ZNF521: variants seen among roughly 807,000 people sequenced by gnomAD.
ZNF521 encodes the protein LYST-interacting protein 3.
ZNF521 carries 14 observed loss-of-function variants against 105.5 expected under a neutral mutation model. That is an observed-to-expected ratio of 0.13 (90% CI 0.09 to 0.21). The LOEUF is 0.21. ZNF521 is among the 10% of genes least tolerant of loss of function. The pLI, the probability that ZNF521 is intolerant of heterozygous loss-of-function variation, is 1.00. For synonymous variants in ZNF521, 635 were observed against 606.0 expected (o/e 1.05, Z -0.70); for missense variants, 1,233 against 1,629.7 (o/e 0.76, Z 4.19).
At chr18:25,205,211 G>A (rs559258641) in intron 4 of ZNF521, among the ~76,000 whole-genome samples, 5 of 147,706 alleles carry the variant, frequency 3.4e-5, no homozygotes, top group Non-Finnish European at 7.4e-5. Context: ...GCTAGGAAAA[G>A]GAATTTGTCT....
chr18:25,212,286 C>A (rs1361991504), intron 4 of ZNF521, among the ~76,000 whole-genome samples: 1 of 150,976 alleles, frequency 6.6e-6, no homozygotes, highest in African/African-American at 2.4e-5. Flanking sequence ...CCAAGGTGGG[C>A]AGATCACAAG....
chr18:25,092,653 A>C (rs1272292467), intron 5 of ZNF521, among the ~76,000 whole-genome samples: 1 of 151,998 alleles, frequency 6.6e-6, no homozygotes, highest in Non-Finnish European at 1.5e-5. Context: ...TTCCTAGTTC[A>C]TCTCTCCCTT....
intron 7 of ZNF521, among the ~76,000 whole-genome samples, chr18:25,071,200 C>G (rs2144124141): frequency 6.6e-6 from 1 of 152,276 alleles, no homozygotes; most frequent in Admixed American, 6.5e-5. Context: ...GACTGTACTG[C>G]AGTAAATATA....
At chr18:25,214,052 G>C (rs969699606) in intron 4 of ZNF521, among the ~76,000 whole-genome samples, 3 of 151,912 alleles carry the variant, frequency 2.0e-5, no homozygotes, top group Non-Finnish European at 4.4e-5. Flanking sequence ...TCACTCACCA[G>C]GATAACCAAC....
At chr18:25,209,400 G>A (rs548594821) in intron 4 of ZNF521, among the ~76,000 whole-genome samples, 38 of 152,152 alleles carry the variant, frequency 2.5e-4, no homozygotes, top group Middle Eastern at 3.4e-3. Flanking sequence ...CATGAGCCAT[G>A]GCGCCCGGCC....
At chr18:25,304,549 A>G (rs1255565974) in intron 3 of ZNF521, among the ~76,000 whole-genome samples, 1 of 152,188 alleles carries the variant, frequency 6.6e-6, no homozygotes, top group Non-Finnish European at 1.5e-5. Flanking sequence ...TTGTGACAGA[A>G]TTCTACTGCT....
chr18:25,209,408 GC>G (rs901641941), intron 4 of ZNF521, among the ~76,000 whole-genome samples: 19 of 152,168 alleles, frequency 1.2e-4, no homozygotes, highest in Middle Eastern at 3.4e-3. Context: ...ATGGCGCCCG[GC>G]CAAGTTTCTA....
At chr18:25,288,436 TC>T (rs1227133225) in intron 3 of ZNF521, among the ~76,000 whole-genome samples, 1 of 152,106 alleles carries the variant, frequency 6.6e-6, no homozygotes, top group Non-Finnish European at 1.5e-5. Flanking sequence ...CTCAACTCTT[TC>T]CTTTCGGGTT....
At chr18:25,336,087 T>A (rs535169763) in intron 2 of ZNF521, among the ~76,000 whole-genome samples, 342 of 152,240 alleles carry the variant, frequency 2.2e-3, no homozygotes, top group African/African-American at 7.9e-3. Flanking sequence ...AGGTCTCAAA[T>A]AAAATTAAAG....
In ZNF521 at chr18:25,062,430, T is replaced by A; in HGVS notation, c.*282A>T. ...GCCATTTTGGTCATAGTCTTTTTTT[T>A]TTTTTAATCTTGCCTGAATAGGGCC... On this transcript the variant is annotated 3_prime_UTR_variant, in exon 8 of 8. Transcript: ENST00000361524. 1 of 360,938 alleles carries A rather than the reference T, an allele frequency of 2.8e-6. No homozygotes were observed. The allele number at this position is 360,938 out of a possible 1,614,324, so 22.4% of individuals were successfully genotyped here.
At chr18:25,185,708 T>C (rs527306849) in intron 5 of ZNF521, among the ~76,000 whole-genome samples, 1 of 152,274 alleles carries the variant, frequency 6.6e-6, no homozygotes, top group Admixed American at 6.5e-5. Flanking sequence ...CTAAGTCAGA[T>C]TGTTCAAAAG....
At chr18:25,207,226 G>A (rs1363592385) in intron 4 of ZNF521, among the ~76,000 whole-genome samples, 1 of 152,110 alleles carries the variant, frequency 6.6e-6, no homozygotes, top group African/African-American at 2.4e-5. Flanking sequence ...CCAGAGAGAT[G>A]GACTGACCTT....
chr18:25,155,906 C>G (rs1485990529), intron 5 of ZNF521, among the ~76,000 whole-genome samples: 1 of 152,096 alleles, frequency 6.6e-6, no homozygotes, highest in African/African-American at 2.4e-5. Context: ...AATATTCTCA[C>G]TTATATGTGT....
At chr18:25,257,269 C>A (rs139772841) in intron 3 of ZNF521, among the ~76,000 whole-genome samples, 69 of 152,042 alleles carry the variant, frequency 4.5e-4, no homozygotes, top group Admixed American at 1.8e-3. Flanking sequence ...AAGTTCATAC[C>A]CATTTCAATC....
At chr18:25,205,096 T>C (rs764122745) in intron 4 of ZNF521, among the ~76,000 whole-genome samples, 8 of 130,012 alleles carry the variant, frequency 6.2e-5, no homozygotes, top group African/African-American at 9.2e-5. Flanking sequence ...AATCAGTGAA[T>C]TGGAAGAGGA....
At position 25,224,411 on chromosome 18, in the gene ZNF521, G is replaced by A. The variant is rs752017497; in HGVS notation, c.3507C>T (p.Asn1169=). The A allele has an allele frequency of 3.7e-6, 6 of 1,613,894 alleles. No homozygotes were observed. Among genetic ancestry groups the A allele is most frequent in the Non-Finnish European group, 5.1e-6 (6 of 1,179,994 alleles). Residue 1169 remains asparagine, a synonymous_variant, in exon 4 of 8, where the codon AAC becomes AAT. Coordinates refer to ENST00000361524, the MANE Select transcript of ZNF521 (RefSeq NM_015461.3). The part of the protein sequence containing the change: ...TIHRELVPDS[N]STQLKTPQVS... ...CTTGGGGCGTTTTCAACTGTGTGCT[G>A]TTGCTGTCTGGCACGAGCTCTCGGT...
At chr18:25,238,235 T>C (rs1239385943) in intron 3 of ZNF521, among the ~76,000 whole-genome samples, 2 of 152,236 alleles carry the variant, frequency 1.3e-5, no homozygotes, top group Non-Finnish European at 2.9e-5. Flanking sequence ...TGGTGTTTAA[T>C]AGTGTTTCTC....
At chr18:25,263,328 G>C (rs562661984) in intron 3 of ZNF521, among the ~76,000 whole-genome samples, 1 of 146,862 alleles carries the variant, frequency 6.8e-6, no homozygotes, top group East Asian at 2.0e-4. Context: ...TCTGATTGAT[G>C]AAAAAAAAAA....
intron 3 of ZNF521, among the ~76,000 whole-genome samples, chr18:25,318,232 G>A (rs142480298): frequency 1.6e-4 from 24 of 152,208 alleles, no homozygotes; most frequent in Non-Finnish European, 2.2e-4. Flanking sequence ...GGTGCACGCC[G>A]TACAATTTCA....
Sources: gnomAD v4.1 joint callset for allele counts (sites outside exome capture counted in the v4.1 genomes callset) on GRCh38, gnomAD v4.1.1 for gene constraint, MANE v1.5 for transcripts, NCBI Gene and HGNC (gene_info 2026-07-23, HGNC 2026-07-21) for gene names.